CCL17: variants seen among roughly 807,000 people sequenced by gnomAD.
The protein encoded by CCL17 is C-C motif chemokine ligand 17, also known as C-C motif chemokine 17.
A neutral mutation model predicts 7.4 loss-of-function variants in CCL17; 8 were observed. That is an observed-to-expected ratio of 1.09 (90% CI 0.64 to 1.96). The LOEUF is 1.96. Ranked by LOEUF, CCL17 falls within the 30% of genes most tolerant of loss-of-function variation. CCL17 has a pLI of 0.00. For missense variants in CCL17, 102 were observed against 113.0 expected (o/e 0.90, Z 0.44); for synonymous variants, 40 against 46.1 (o/e 0.87, Z 0.54).
At chr16:57,403,548 ATT>A (rs1231729702), upstream of CCL17, among the ~76,000 whole-genome samples, 151 of 35,442 alleles carry the variant, frequency 4.3e-3, 10 homozygotes, top group Middle Eastern at 0.019. Flanking sequence ...ATAAATATAT[ATT>A]TTATATATAT....
the CCL17 span, among the ~76,000 whole-genome samples, chr16:57,398,636 G>A: frequency 1.3e-5 from 2 of 152,226 alleles, no homozygotes; most frequent in South Asian, 2.1e-4. Context: ...AGTATAGGCT[G>A]TATTCATTCT....
chr16:57,400,700 G>A (rs975736371), upstream of CCL17, among the ~76,000 whole-genome samples: 3 of 152,180 alleles, frequency 2.0e-5, no homozygotes, highest in Non-Finnish European at 4.4e-5. Flanking sequence ...CGGGCACAAT[G>A]GCTCATGCCT....
At chr16:57,412,800 G>A (rs1472585108) in intron 1 of CCL17, among the ~76,000 whole-genome samples, 5 of 152,300 alleles carry the variant, frequency 3.3e-5, no homozygotes, top group Non-Finnish European at 5.9e-5. Flanking sequence ...TGTGGCTCCC[G>A]GGAGCCCCAA....
chr16:57,401,067 T>TC (rs1277576186), upstream of CCL17, among the ~76,000 whole-genome samples: 3 of 151,602 alleles, frequency 2.0e-5, no homozygotes, highest in African/African-American at 7.3e-5. Flanking sequence ...TTCTTCTTCT[T>TC]TTTGTAAATT....
intron 1 of CCL17, among the ~76,000 whole-genome samples, chr16:57,411,899 A>G (rs1373956693): frequency 6.6e-6 from 1 of 152,176 alleles, no homozygotes; most frequent in Non-Finnish European, 1.5e-5. Context: ...TGTTGGCACC[A>G]AAGAGGTGCC....
upstream of CCL17, among the ~76,000 whole-genome samples, chr16:57,401,623 G>A (rs557340435): frequency 1.3e-5 from 2 of 152,240 alleles, no homozygotes; most frequent in African/African-American, 2.4e-5. Flanking sequence ...GAAGAAATGC[G>A]TGGGACTAAT....
chr16:57,405,128 A>G lies in CCL17; in HGVS notation c.-60+292A>G, dbSNP rs223894. On this transcript the variant is annotated intron_variant, in intron 1 of 3. Coordinates refer to ENST00000219244, the MANE Select transcript of CCL17 (RefSeq NM_002987.3). ...GATTGGCCTGAAAAGTTTTGACTGG[A>G]TGGGGAAGGAAGCAGGGAGCCATTG... is the stretch of plus-strand genomic sequence containing the variant. 0.027 allele frequency among the ~76,000 whole-genome samples: 4,050 copies of G among 152,224 alleles called. 76 individuals carry two copies. The highest frequency in any genetic ancestry group is 0.071 in the Middle Eastern group (21 of 294).
chr16:57,399,755 G>T, the CCL17 span, among the ~76,000 whole-genome samples: 1 of 152,122 alleles, frequency 6.6e-6, no homozygotes, highest in Non-Finnish European at 1.5e-5. Context: ...GCCTGACATG[G>T]ACCTTCTTCT....
chr16:57,399,772 G>A (rs1377533803), upstream of CCL17, among the ~76,000 whole-genome samples: 2 of 152,172 alleles, frequency 1.3e-5, no homozygotes, highest in South Asian at 2.1e-4. Flanking sequence ...TTCTCATGAG[G>A]TTCACTGTCC....
At chr16:57,396,656 T>C in the CCL17 span, among the ~76,000 whole-genome samples, 1 of 152,166 alleles carries the variant, frequency 6.6e-6, no homozygotes, top group Non-Finnish European at 1.5e-5. Flanking sequence ...GACTGTTTGT[T>C]AAGCAGGAAG....
intron 1 of CCL17, among the ~76,000 whole-genome samples, chr16:57,408,560 T>C (rs1430415362): frequency 1.4e-5 from 2 of 147,398 alleles, no homozygotes; most frequent in Non-Finnish European, 2.9e-5. Context: ...AGGTGCACAC[T>C]GTAACACCTG....
chr16:57,414,410 CTTTTTTTTTTTTTTTT>C (rs71152269), intron 2 of CCL17, among the ~76,000 whole-genome samples: 1 of 75,966 alleles, frequency 1.3e-5, no homozygotes, highest in African/African-American at 5.6e-5. Flanking sequence ...AAAAAGGATT[CTTTTTTTTTTTTTTTT>C]TTTTTTTTTT....
At chr16:57,414,055 G>C in intron 2 of CCL17, 53 bp downstream of exon 2, 1 of 1,460,234 alleles carries the variant, frequency 6.8e-7, no homozygotes, top group Admixed American at 1.8e-5. Context: ...ACAGGGGTTG[G>C]GGGCATGAAG....
chr16:57,403,569 TA>T (rs1445620182), upstream of CCL17, among the ~76,000 whole-genome samples: 22 of 58,348 alleles, frequency 3.8e-4, no homozygotes, highest in African/African-American at 7.9e-4. Context: ...ATATAATATA[TA>T]TTTATAATAT....
chr16:57,415,722 C>A lies in CCL17; in HGVS notation c.189-43C>A. 3 of 1,336,318 alleles carry A rather than the reference C, an allele frequency of 2.2e-6. No homozygotes were observed. The highest frequency in any genetic ancestry group is 3.2e-6 in the Non-Finnish European group (3 of 926,976). The allele number at this position is 1,336,318 out of a possible 1,614,324, so 82.8% of individuals were successfully genotyped here. A position where few individuals can be genotyped will look rare whatever the true frequency, so the allele number is the denominator to read the frequency against. Reference sequence around the variant, plus strand: ...GGCCGTCCCAGGGACTCTGGGGGCCCTTCCCCCCCTGCCACTCCTGGTAAC... The same window carrying A: ...GGCCGTCCCAGGGACTCTGGGGGCCATTCCCCCCCTGCCACTCCTGGTAAC... On this transcript the variant is annotated intron_variant, in intron 3 of 3. Coordinates refer to ENST00000219244, the MANE Select transcript of CCL17 (RefSeq NM_002987.3). The surrounding 1 kb of genome is among the most constrained non-coding windows in gnomAD (Gnocchi z 4.5).
chr16:57,396,483 A>G, the CCL17 span, among the ~76,000 whole-genome samples: 3 of 152,060 alleles, frequency 2.0e-5, no homozygotes, highest in East Asian at 3.8e-4. Flanking sequence ...CCTGTGTTCT[A>G]TTTTACCATT....
rs1210085112 is a variant in CCL17, at chr16:57,415,700, CG to C, written c.189-64del. The C allele has an allele frequency of 6.7e-6, 7 of 1,038,196 alleles. No homozygotes were observed. In the Admixed American group the frequency reaches 1.2e-4, roughly 18 times the overall value. 64.3% of individuals were successfully genotyped at this position (1,038,196 alleles called of 1,614,324 possible). Reference sequence around the variant, plus strand: ...GAATCCTGGTCAGCACAGGGCGGGCCGTCCCAGGGACTCTGGGGGCCCTTCC... The same window carrying C: ...GAATCCTGGTCAGCACAGGGCGGGCCTCCCAGGGACTCTGGGGGCCCTTCC... On this transcript the variant is annotated intron_variant, in intron 3 of 3. Transcript: ENST00000219244. This position sits in a 1 kb window ranked among gnomAD's most constrained non-coding sequence, Gnocchi z 4.5.
Position 57,415,890 on chromosome 16 carries a change from C to CTCCCAGGTAG in CCL17, c.*33_*34insAGGTAGTCCC. 2 of 1,428,876 alleles carry CTCCCAGGTAG rather than the reference C, an allele frequency of 1.4e-6. No homozygotes were observed. Among genetic ancestry groups the CTCCCAGGTAG allele is most frequent in the Non-Finnish European group, 2.0e-6 (2 of 1,011,150 alleles). 88.5% of individuals were successfully genotyped at this position (1,428,876 alleles called of 1,614,324 possible). A position where few individuals can be genotyped will look rare whatever the true frequency, so the allele number is the denominator to read the frequency against. On this transcript the variant is annotated 3_prime_UTR_variant, in exon 4 of 4. Coordinates refer to ENST00000219244, the MANE Select transcript of CCL17 (RefSeq NM_002987.3). This position sits in a 1 kb window ranked among gnomAD's most constrained non-coding sequence, Gnocchi z 4.5. The stretch of plus-strand genomic sequence containing the variant: ...CTCCTCACCCCAGACTCCTGACTGT[C>CTCCCAGGTAG]TCCCGGGACTACCTGGGACCTCCAC...
chr16:57,409,359 A>G (rs1902748790), intron 1 of CCL17, among the ~76,000 whole-genome samples: 1 of 152,256 alleles, frequency 6.6e-6, no homozygotes, highest in Admixed American at 6.5e-5. Flanking sequence ...AAGAAGGTCC[A>G]TGTGGCTGGG....
Sources: gnomAD v4.1 joint callset for allele counts (sites outside exome capture counted in the v4.1 genomes callset) on GRCh38, gnomAD v4.1.1 for gene constraint, Gnocchi (gnomAD v3.1) non-coding constraint, MANE v1.5 for transcripts, NCBI Gene and HGNC (gene_info 2026-07-23, HGNC 2026-07-21) for gene names.